Variants in FAM107B observed in about 807,000 individuals in gnomAD.
The protein encoded by FAM107B is family with sequence similarity 107 member B, also known as protein FAM107B.
In FAM107B, 21 loss-of-function variants were observed where a neutral mutation model predicts 31.5. The observed-to-expected ratio is 0.67, with a 90% confidence interval of 0.47 to 0.96. The LOEUF is 0.96. Ranked by LOEUF, FAM107B falls within the 40% of genes least tolerant of loss-of-function variation. FAM107B has a pLI of 0.00. For missense variants in FAM107B, 452 were observed against 377.1 expected (o/e 1.20, Z -1.64); for synonymous variants, 157 against 141.5 (o/e 1.11, Z -0.78).
chr10:14,562,024 G>A (rs1850284961), intron 2 of FAM107B, among the ~76,000 whole-genome samples: 1 of 152,120 alleles, frequency 6.6e-6, no homozygotes, highest in African/African-American at 2.4e-5. Flanking sequence ...GATCTCAACC[G>A]ATCCACCCGC....
intron 1 of FAM107B, among the ~76,000 whole-genome samples, chr10:14,671,835 T>G (rs1854553706): frequency 6.7e-6 from 1 of 149,284 alleles, no homozygotes; most frequent in Admixed American, 6.7e-5. Context: ...AACCCTGGAC[T>G]TTTCCGCATA....
intron 2 of FAM107B, among the ~76,000 whole-genome samples, chr10:14,542,999 A>G (rs1848363952): frequency 6.6e-6 from 1 of 152,232 alleles, no homozygotes; most frequent in South Asian, 2.1e-4. Context: ...CAATTAATGG[A>G]TTTCTTTAAT....
intron 1 of FAM107B, among the ~76,000 whole-genome samples, chr10:14,724,963 A>G (rs1414663535): frequency 6.6e-6 from 1 of 152,262 alleles, no homozygotes; most frequent in Non-Finnish European, 1.5e-5. Context: ...CAAGGCTCCC[A>G]TAACTTCAAA....
chr10:14,635,207 G>A (rs939818664), intron 2 of FAM107B, among the ~76,000 whole-genome samples: 1 of 152,044 alleles, frequency 6.6e-6, no homozygotes, highest in African/African-American at 2.4e-5. Flanking sequence ...CTAGGGTAGG[G>A]GTCAGTCAGG....
At chr10:14,553,390 T>TAA in intron 2 of FAM107B, 1 of 1,275,682 alleles carries the variant, frequency 7.8e-7, no homozygotes, top group South Asian at 1.3e-5. Context: ...GCATTCTCCT[T>TAA]TAAAAAAAAA....
intron 1 of FAM107B, among the ~76,000 whole-genome samples, chr10:14,716,919 G>A (rs967629380): frequency 2.0e-5 from 3 of 151,886 alleles, no homozygotes; most frequent in Non-Finnish European, 4.4e-5. Context: ...GTGAAACCCC[G>A]TCTCTACTAA....
At position 14,774,136 on chromosome 10, in the gene FAM107B, C is replaced by T. The variant is rs1047946685; in HGVS notation, c.411+117G>A. The T allele has an allele frequency of 3.0e-5, 39 of 1,299,606 alleles. 1 individual carries two copies. The Admixed American group carries it at 9.8e-4, about 33-fold the overall frequency. The allele number at this position is 1,299,606 out of a possible 1,614,324, so 80.5% of individuals were successfully genotyped here. On this transcript the variant is annotated intron_variant, in intron 1 of 4. Transcript: ENST00000181796. ...CACTTCTTCGCACTAGTGAGAACGC[C>T]CGCAATGCCTTATTCAGTAAGGTTA...
rs796843010 is a variant in FAM107B, at chr10:14,541,620, C to T, written c.470-11105G>A. ...AACTGCTGTGGAAGACTCCACTGGA[C>T]GCCCCTTGCCTCAGGCACTTCCCCG... On this transcript the variant is annotated intron_variant, in intron 2 of 4. Transcript: ENST00000181796. Among the ~76,000 whole-genome samples the T allele has an allele frequency of 5.3e-5, 8 of 152,194 alleles. No homozygotes were observed. The South Asian group carries it at 1.0e-3, about 20-fold the overall frequency.
At position 14,690,384 on chromosome 10, in the gene FAM107B, G is replaced by A. The variant is rs141614305; in HGVS notation, c.412-22693C>T. The stretch of plus-strand genomic sequence containing the variant: ...GTGTAGGAGTTGTCACAGCTCTTTT[G>A]CCATTACTAGTATCCCTGGTGGCTG... On this transcript the variant is annotated intron_variant, in intron 1 of 4. Transcript: ENST00000181796. Among the ~76,000 whole-genome samples, 501 of 152,248 alleles carry A rather than the reference G, an allele frequency of 3.3e-3. 9 individuals are homozygous for A. The East Asian group carries it at 0.048, about 15-fold the overall frequency.
intron 2 of FAM107B, among the ~76,000 whole-genome samples, chr10:14,619,337 C>T (rs978473061): frequency 7.9e-5 from 12 of 152,160 alleles, no homozygotes; most frequent in African/African-American, 2.4e-4. Context: ...CCTGGTTGTT[C>T]TATGATCCAT....
intron 2 of FAM107B, among the ~76,000 whole-genome samples, chr10:14,577,555 A>C (rs1851504314): frequency 6.6e-6 from 1 of 152,256 alleles, no homozygotes; most frequent in Non-Finnish European, 1.5e-5. Flanking sequence ...TGTATTTCCG[A>C]AGGTATACAG....
intron 3 of FAM107B, among the ~76,000 whole-genome samples, chr10:14,523,344 A>G (rs1022240109): frequency 4.6e-5 from 7 of 152,378 alleles, no homozygotes; most frequent in African/African-American, 1.7e-4. Flanking sequence ...AAACCACCGA[A>G]CAGGAAAAGC....
intron 2 of FAM107B, among the ~76,000 whole-genome samples, chr10:14,569,300 C>A (rs148735596): frequency 1.2e-4 from 18 of 152,166 alleles, no homozygotes; most frequent in African/African-American, 3.1e-4. Context: ...TATTTCTTGA[C>A]AATAAAAGTC....
intron 2 of FAM107B, chr10:14,602,664 C>G (rs1004456267): frequency 6.6e-6 from 1 of 152,146 alleles, no homozygotes; most frequent in Non-Finnish European, 1.5e-5. Context: ...CACAATGTTA[C>G]CTTTAAAATA....
chr10:14,616,309 G>GGA (rs1852848885), intron 2 of FAM107B, among the ~76,000 whole-genome samples: 1 of 152,090 alleles, frequency 6.6e-6, no homozygotes, highest in Non-Finnish European at 1.5e-5. Flanking sequence ...CTGGAAACTC[G>GGA]AGCTTCAAAA....
chr10:14,739,923 C>G (rs1390911060), intron 1 of FAM107B, among the ~76,000 whole-genome samples: 1 of 152,184 alleles, frequency 6.6e-6, no homozygotes, highest in African/African-American at 2.4e-5. Context: ...GGTCTATCCC[C>G]TGGATTGTTT....
intron 1 of FAM107B, among the ~76,000 whole-genome samples, chr10:14,713,299 T>C (rs1334758319): frequency 2.0e-5 from 3 of 152,212 alleles, no homozygotes; most frequent in Non-Finnish European, 2.9e-5. Flanking sequence ...ATGGATAATG[T>C]TACATAGAAA....
intron 3 of FAM107B, among the ~76,000 whole-genome samples, chr10:14,528,610 A>T (rs1322028815): frequency 1.6e-4 from 25 of 152,182 alleles, no homozygotes; most frequent in Non-Finnish European, 1.5e-5. Context: ...ACCAAGATTC[A>T]TATCATTTCT....
At chr10:14,756,132 C>G (rs1025302164) in intron 1 of FAM107B, among the ~76,000 whole-genome samples, 1 of 152,020 alleles carries the variant, frequency 6.6e-6, no homozygotes, top group Non-Finnish European at 1.5e-5. Flanking sequence ...AAGGATGGAT[C>G]AATAAAATCA....
Sources: gnomAD v4.1 joint callset for allele counts (sites outside exome capture counted in the v4.1 genomes callset) on GRCh38, gnomAD v4.1.1 for gene constraint, MANE v1.5 for transcripts, NCBI Gene and HGNC (gene_info 2026-07-23, HGNC 2026-07-21) for gene names.